The following LYRM4 variants were observed in gnomAD, a reference collection of about 807,000 sequenced individuals.
The protein encoded by LYRM4 is LYR motif-containing protein 4.
LYRM4 carries 9 observed loss-of-function variants against 11.7 expected under a neutral mutation model. The ratio of observed to expected loss-of-function variants is 0.77; its 90% CI spans 0.46 to 1.34. The LOEUF (loss-of-function observed/expected upper bound fraction) is 1.34, where lower values mean the gene tolerates loss of function less well. Among genes scored for constraint, LYRM4 ranks in the 40% most tolerant of loss-of-function variants. The pLI, the probability that LYRM4 is intolerant of heterozygous loss-of-function variation, is 0.00. For synonymous variants in LYRM4, 42 were observed against 40.4 expected (o/e 1.04, Z -0.15); for missense variants, 133 against 112.5 (o/e 1.18, Z -0.82).
At chr6:5,248,768 T>G (rs2127766779) in intron 1 of LYRM4, among the ~76,000 whole-genome samples, 1 of 152,374 alleles carries the variant, frequency 6.6e-6, no homozygotes, top group South Asian at 2.1e-4. Flanking sequence ...ATTGTCACCA[T>G]GCTGTTGTAG....
chr6:5,259,923 G>A (rs763032626), intron 1 of LYRM4, among the ~76,000 whole-genome samples: 1 of 152,146 alleles, frequency 6.6e-6, no homozygotes, highest in Non-Finnish European at 1.5e-5. Flanking sequence ...AACATACAAA[G>A]AGTAACAATA....
intron 2 of LYRM4, among the ~76,000 whole-genome samples, chr6:5,128,458 GTACA>G (rs1403162056): frequency 1.3e-5 from 2 of 152,146 alleles, no homozygotes; most frequent in Non-Finnish European, 2.9e-5. Context: ...TAGTGGTGGA[GTACA>G]TCTCTTTGAA....
At chr6:5,176,035 A>G (rs1759696375) in intron 2 of LYRM4, among the ~76,000 whole-genome samples, 1 of 151,794 alleles carries the variant, frequency 6.6e-6, no homozygotes, top group Non-Finnish European at 1.5e-5. Flanking sequence ...TCTGTGAGTT[A>G]TAACAAAAAT....
intron 2 of LYRM4, among the ~76,000 whole-genome samples, chr6:5,177,045 T>C (rs935643430): frequency 3.9e-5 from 6 of 152,222 alleles, no homozygotes; most frequent in Admixed American, 3.3e-4. Flanking sequence ...GTAAATGTCA[T>C]ACATGTGCAC....
At chr6:5,086,432 A>G in the LYRM4 span, 1 of 1,536,572 alleles carries the variant, frequency 6.5e-7, no homozygotes, top group Non-Finnish European at 8.7e-7. Flanking sequence ...GAGGACGAAG[A>G]GGACGCCGAC....
At chr6:5,238,222 A>G (rs1170406375) in intron 1 of LYRM4, among the ~76,000 whole-genome samples, 3 of 152,214 alleles carry the variant, frequency 2.0e-5, no homozygotes, top group Admixed American at 6.5e-5. Context: ...CTTGTTTTCA[A>G]ATAAACTATG....
At chr6:5,066,294 A>G in the LYRM4 span, 3 of 719,806 alleles carry the variant, frequency 4.2e-6, no homozygotes, top group Middle Eastern at 2.5e-4. Context: ...ATTCTTTTTT[A>G]CCAATAAACA....
At chr6:5,182,355 G>A (rs758975913) in intron 2 of LYRM4, among the ~76,000 whole-genome samples, 1 of 152,158 alleles carries the variant, frequency 6.6e-6, no homozygotes, top group Non-Finnish European at 1.5e-5. Flanking sequence ...TACCCTTCAA[G>A]GTGTTTGAAG....
At chr6:5,172,705 C>T (rs1448936272) in intron 2 of LYRM4, among the ~76,000 whole-genome samples, 8 of 152,186 alleles carry the variant, frequency 5.3e-5, no homozygotes. Flanking sequence ...CATTCTCATG[C>T]TCACAAAGTC....
intron 1 of LYRM4, among the ~76,000 whole-genome samples, chr6:5,240,975 C>T (rs1043402883): frequency 1.1e-4 from 16 of 152,150 alleles, no homozygotes; most frequent in South Asian, 2.1e-4. Context: ...ACGTGGAATA[C>T]GGGGAAAAAC....
intron 2 of LYRM4, among the ~76,000 whole-genome samples, chr6:5,130,205 G>T (rs1194193489): frequency 2.6e-5 from 4 of 152,196 alleles, no homozygotes; most frequent in African/African-American, 9.7e-5. Context: ...GCTGCAGGGG[G>T]AGTTCATGAG....
intron 2 of LYRM4, among the ~76,000 whole-genome samples, chr6:5,166,989 G>GTTTTA (rs914751161): frequency 2.0e-5 from 3 of 152,156 alleles, no homozygotes; most frequent in African/African-American, 7.2e-5. Context: ...CAAGATGCTG[G>GTTTTA]TTTTATAGGT....
chr6:5,081,776 C>T, the LYRM4 span, among the ~76,000 whole-genome samples: 2 of 152,176 alleles, frequency 1.3e-5, no homozygotes, highest in African/African-American at 2.4e-5. Flanking sequence ...TTTGATCACA[C>T]CTGAATTTAT....
the LYRM4 span, chr6:5,085,821 G>C: frequency 6.5e-7 from 1 of 1,527,990 alleles, no homozygotes. Flanking sequence ...TGGGCGGCGA[G>C]GGGGCGGAGG....
chr6:5,159,365 AG>A (rs1758616087), intron 2 of LYRM4, among the ~76,000 whole-genome samples: 1 of 152,204 alleles, frequency 6.6e-6, no homozygotes, highest in African/African-American at 2.4e-5. Context: ...GCCAGGAGAG[AG>A]GGGTGTTTCA....
the LYRM4 span, chr6:5,032,686 C>A: frequency 6.6e-6 from 1 of 152,132 alleles, no homozygotes; most frequent in Non-Finnish European, 1.5e-5. Context: ...GTTAGGGTAT[C>A]CTGCTAGGAA....
chr6:5,222,227 A>G (rs1244858760), intron 1 of LYRM4, among the ~76,000 whole-genome samples: 1 of 152,242 alleles, frequency 6.6e-6, no homozygotes, highest in Non-Finnish European at 1.5e-5. Flanking sequence ...TGAATAAATG[A>G]GCTTATCAAA....
chr6:5,203,773 G>T (rs78904024), intron 2 of LYRM4, among the ~76,000 whole-genome samples: 119 of 152,300 alleles, frequency 7.8e-4, no homozygotes, highest in Non-Finnish European at 1.1e-3. Context: ...AGGGCCCCTC[G>T]TGTTGCGTCT....
At chr6:5,087,643 G>C in the LYRM4 span, 1 of 152,352 alleles carries the variant, frequency 6.6e-6, no homozygotes, top group Non-Finnish European at 1.5e-5. Context: ...GTGGCTTTCT[G>C]TTCCTCTCAG....
Sources: gnomAD v4.1 joint callset for allele counts (sites outside exome capture counted in the v4.1 genomes callset) on GRCh38, gnomAD v4.1.1 for gene constraint, MANE v1.5 for transcripts, NCBI Gene and HGNC (gene_info 2026-07-23, HGNC 2026-07-21) for gene names.